Variants in NRG2 observed in about 807,000 individuals in gnomAD.
NRG2 encodes the protein neuregulin 2, also known as pro-neuregulin-2, membrane-bound isoform.
A neutral mutation model predicts 73.9 loss-of-function variants in NRG2; 27 were observed. The observed-to-expected ratio is 0.37, with a 90% confidence interval of 0.27 to 0.50. The LOEUF (loss-of-function observed/expected upper bound fraction) is 0.50. Among genes scored for constraint, NRG2 ranks in the 20% least tolerant of loss-of-function variants. The pLI, the probability that NRG2 is intolerant of heterozygous loss-of-function variation, is 0.96. For synonymous variants in NRG2, 532 were observed against 541.0 expected (o/e 0.98, Z 0.23); for missense variants, 1,126 against 1,210.1 (o/e 0.93, Z 1.03).
rs1031382643 is a variant in NRG2, at chr5:139,869,195, A to G, written c.1112+2526T>C. Among the ~76,000 whole-genome samples, 3 of 152,022 alleles carry G rather than the reference A, an allele frequency of 2.0e-5. No individual in the cohort carries two copies. Among genetic ancestry groups the G allele is most frequent in the African/African-American group, 4.8e-5 (2 of 41,364 alleles). On this transcript the variant is annotated intron_variant, in intron 4 of 9. Transcript: ENST00000361474. This position sits in a 1 kb window ranked among gnomAD's most constrained non-coding sequence, Gnocchi z 4.5. ...AATTCCAGAAAAACAGGAGGGACGG[A>G]GTGTGCCTGCTTTCCAACACTCCCT...
chr5:139,895,486 T>A (rs1490258497), intron 1 of NRG2, among the ~76,000 whole-genome samples: 1 of 152,130 alleles, frequency 6.6e-6, no homozygotes, highest in Non-Finnish European at 1.5e-5. Context: ...GCAGTGCTTG[T>A]GGCACAGGCT....
intron 1 of NRG2, among the ~76,000 whole-genome samples, chr5:140,038,893 G>T (rs1316158609): frequency 6.6e-6 from 1 of 152,226 alleles, no homozygotes; most frequent in African/African-American, 2.4e-5. Flanking sequence ...TCTTCAAGCT[G>T]CAGCACAGCT....
chr5:139,982,299 A>G (rs1756862278), intron 1 of NRG2, among the ~76,000 whole-genome samples: 1 of 151,990 alleles, frequency 6.6e-6, no homozygotes, highest in African/African-American at 2.4e-5. Flanking sequence ...GGCACTCCTG[A>G]GCCTCAGCAC....
chr5:139,981,497 C>T (rs543299343), intron 1 of NRG2, among the ~76,000 whole-genome samples: 9 of 152,202 alleles, frequency 5.9e-5, no homozygotes, highest in Non-Finnish European at 1.3e-4. Context: ...TCCCTGTGGC[C>T]GTTTCCCTTC....
Position 139,856,972 on chromosome 5 carries a change from C to T in NRG2, c.1190-1194G>A, listed in dbSNP as rs530757852. Among the ~76,000 whole-genome samples, 1 of 152,194 alleles carries T rather than the reference C, an allele frequency of 6.6e-6. No homozygotes were observed. Among genetic ancestry groups the T allele is most frequent in the Non-Finnish European group, 1.5e-5 (1 of 68,012 alleles). Reference sequence around the variant, plus strand: ...CCCACAGCCCTGGCTCCAGCTCTCACGCCCCCTTCACATGCCTCATCCAGT... The same window carrying T: ...CCCACAGCCCTGGCTCCAGCTCTCATGCCCCCTTCACATGCCTCATCCAGT... On this transcript the variant is annotated intron_variant, in intron 5 of 9. Coordinates refer to ENST00000361474, the MANE Select transcript of NRG2 (RefSeq NM_004883.3). This position sits in a 1 kb window ranked among gnomAD's most constrained non-coding sequence, Gnocchi z 4.2.
intron 1 of NRG2, among the ~76,000 whole-genome samples, chr5:139,910,969 G>A (rs34135134): frequency 0.15 from 22,109 of 151,996 alleles, 1,691 homozygotes; most frequent in South Asian, 0.24. Flanking sequence ...GACCAGAAGA[G>A]AGAAGAAAGC....
intron 1 of NRG2, among the ~76,000 whole-genome samples, chr5:139,920,712 C>T (rs1751595604): frequency 6.6e-6 from 1 of 152,108 alleles, no homozygotes; most frequent in African/African-American, 2.4e-5. Flanking sequence ...AAGGGGGCAT[C>T]TGGAGTGGAG....
At chr5:139,945,510 T>C (rs1263002743) in intron 1 of NRG2, among the ~76,000 whole-genome samples, 2 of 152,150 alleles carry the variant, frequency 1.3e-5, no homozygotes, top group Non-Finnish European at 2.9e-5. Flanking sequence ...TTGGTCTATG[T>C]GTCTGTTTTT....
rs913547065 is a variant in NRG2 at position 139,851,928 on chromosome 5, C to T, written c.1545-97G>A. 5.9e-6 allele frequency: 6 copies of T among 1,024,476 alleles called. No individual in the cohort carries two copies. The highest frequency in any genetic ancestry group is 4.8e-5 in the African/African-American group (3 of 63,032). 63.5% of individuals were successfully genotyped at this position (1,024,476 alleles called of 1,614,324 possible). A position where few individuals can be genotyped will look rare whatever the true frequency, so the allele number is the denominator to read the frequency against. On this transcript the variant is annotated intron_variant, in intron 8 of 9. Transcript: ENST00000361474. This position sits in a 1 kb window ranked among gnomAD's most constrained non-coding sequence, Gnocchi z 4.2. ...GACCTCCCTGGCTCTTCTTCCACCT[C>T]GAGCTCCCTTAGCTCAATGCCCTTC...
intron 5 of NRG2, among the ~76,000 whole-genome samples, chr5:139,862,769 T>G (rs1420508904): frequency 6.6e-6 from 1 of 152,274 alleles, no homozygotes; most frequent in Non-Finnish European, 1.5e-5. Context: ...TATGAGCCCA[T>G]GCTCATGCGT....
chr5:139,886,444 C>A (rs776530160), intron 2 of NRG2, among the ~76,000 whole-genome samples: 1 of 151,952 alleles, frequency 6.6e-6, no homozygotes. Context: ...TGTGGTGGGG[C>A]GGTGAGGAGG....
chr5:139,876,450 G>A (rs570113862), intron 3 of NRG2, among the ~76,000 whole-genome samples: 259 of 152,250 alleles, frequency 1.7e-3, no homozygotes, highest in African/African-American at 5.8e-3. Flanking sequence ...CCACTGAATT[G>A]TATACTTTAA....
At chr5:139,997,168 G>A (rs1758084912) in intron 1 of NRG2, among the ~76,000 whole-genome samples, 1 of 151,982 alleles carries the variant, frequency 6.6e-6, no homozygotes, top group Non-Finnish European at 1.5e-5. Context: ...AATAAAAAAT[G>A]GAAATAAAAA....
chr5:139,876,684 T>A (rs913963921), intron 3 of NRG2, among the ~76,000 whole-genome samples: 1 of 152,014 alleles, frequency 6.6e-6, no homozygotes, highest in Non-Finnish European at 1.5e-5. Flanking sequence ...TGGAGAAAAC[T>A]TCTGCTTGTC....
intron 1 of NRG2, among the ~76,000 whole-genome samples, chr5:139,968,150 C>T (rs757499532): frequency 7.2e-5 from 11 of 152,186 alleles, no homozygotes; most frequent in Non-Finnish European, 1.5e-4. Flanking sequence ...CAAGTCAGGC[C>T]TTCCCACTCT....
At chr5:139,964,322 G>C (rs1174378580) in intron 1 of NRG2, among the ~76,000 whole-genome samples, 1 of 151,856 alleles carries the variant, frequency 6.6e-6, no homozygotes. Context: ...TAGCTCCAGA[G>C]AGAATGTATG....
chr5:139,989,311 C>G (rs555939351), intron 1 of NRG2, among the ~76,000 whole-genome samples: 2 of 152,120 alleles, frequency 1.3e-5, no homozygotes, highest in East Asian at 3.9e-4. Flanking sequence ...TCATCCTGCT[C>G]CAGCTTCTAC....
At chr5:139,923,930 C>T (rs573643066) in intron 1 of NRG2, among the ~76,000 whole-genome samples, 1 of 152,280 alleles carries the variant, frequency 6.6e-6, no homozygotes, top group South Asian at 2.1e-4. Context: ...TTGGTCATCT[C>T]CCTTGTGCTA....
In NRG2 at chr5:139,851,056, C is replaced by G. The variant is rs1334793063; in HGVS notation, c.1772+548G>C. ...AGGTTGGAGTGCAGTGGCGCCATCT[C>G]AGCTCACTGCAACCTCCGCCTCCCA... On this transcript the variant is annotated intron_variant, in intron 9 of 9. Transcript: ENST00000361474. This position sits in a 1 kb window ranked among gnomAD's most constrained non-coding sequence, Gnocchi z 4.2. Among the ~76,000 whole-genome samples the G allele has an allele frequency of 6.6e-6, 1 of 151,690 alleles. No individual in the cohort carries two copies. Among genetic ancestry groups the G allele is most frequent in the Admixed American group, 6.6e-5 (1 of 15,234 alleles).
Sources: allele counts gnomAD v4.1 joint callset (sites outside exome capture counted in the v4.1 genomes callset), GRCh38; gene constraint gnomAD v4.1.1; non-coding constraint Gnocchi (gnomAD v3.1); transcripts MANE v1.5; gene names NCBI Gene and HGNC (gene_info 2026-07-23, HGNC 2026-07-21).